ADGRB3: variants seen among roughly 807,000 people sequenced by gnomAD.
The protein encoded by ADGRB3 is adhesion G protein-coupled receptor B3.
In ADGRB3, 37 loss-of-function variants were observed where a neutral mutation model predicts 193.4. The ratio of observed to expected loss-of-function variants is 0.19; its 90% CI spans 0.15 to 0.25. The LOEUF is 0.25. Ranked by LOEUF, ADGRB3 falls within the 10% of genes least tolerant of loss-of-function variation. The pLI is 1.00. For synonymous variants in ADGRB3, 690 were observed against 644.2 expected (o/e 1.07, Z -1.08); for missense variants, 1,637 against 1,852.9 (o/e 0.88, Z 2.14).
chr6:68,665,907 A>G lies in ADGRB3; in HGVS notation c.757+26475A>G, dbSNP rs143952393. ...TCCTATATTAGTGTCTAAATTTTGT[A>G]ATCCCAAGATTAGCAGTGCAGTATG... On this transcript the variant is annotated intron_variant, in intron 3 of 31. Coordinates refer to ENST00000370598, the MANE Select transcript of ADGRB3 (RefSeq NM_001704.3). Among the ~76,000 whole-genome samples, 3 of 151,972 alleles carry G rather than the reference A, an allele frequency of 2.0e-5. No homozygotes were observed. In the East Asian group the frequency reaches 5.8e-4, roughly 30 times the overall value.
At chr6:69,327,146 T>TA (rs149349386) in intron 21 of ADGRB3, among the ~76,000 whole-genome samples, 37,022 of 149,438 alleles carry the variant, frequency 0.25, 5,637 homozygotes, top group African/African-American at 0.43. Flanking sequence ...TAACCAAAAC[T>TA]AAAAAAAAAA....
intron 17 of ADGRB3, among the ~76,000 whole-genome samples, chr6:69,164,766 A>G (rs1445077151): frequency 6.6e-6 from 1 of 152,092 alleles, no homozygotes; most frequent in Non-Finnish European, 1.5e-5. Context: ...GAACTCTGGG[A>G]ACCTCAATTT....
At chr6:68,852,740 T>C (rs1768432253) in intron 3 of ADGRB3, among the ~76,000 whole-genome samples, 1 of 152,008 alleles carries the variant, frequency 6.6e-6, no homozygotes, top group African/African-American at 2.4e-5. Context: ...TTTTAAAAAA[T>C]TGTAGTCTTC....
chr6:69,387,010 T>C (rs1332248079), intron 31 of ADGRB3, among the ~76,000 whole-genome samples: 3 of 152,118 alleles, frequency 2.0e-5, no homozygotes, highest in African/African-American at 7.2e-5. Flanking sequence ...CCCACTTTTT[T>C]ATTTTTGCAA....
At chr6:68,950,041 G>T (rs1017532943) in intron 6 of ADGRB3, among the ~76,000 whole-genome samples, 16 of 151,690 alleles carry the variant, frequency 1.1e-4, no homozygotes, top group Non-Finnish European at 1.9e-4. Flanking sequence ...CTCAACATAT[G>T]CCCAAAGCAA....
intron 20 of ADGRB3, among the ~76,000 whole-genome samples, chr6:69,302,337 C>T (rs1048641168): frequency 1.3e-5 from 2 of 151,940 alleles, no homozygotes; most frequent in African/African-American, 4.8e-5. Context: ...ACACCAGCTG[C>T]CGGTCTTTTG....
At chr6:69,018,361 A>G (rs765577722) in intron 12 of ADGRB3, 30 bp from the exon 13 acceptor site, 1 of 1,419,850 alleles carries the variant, frequency 7.0e-7, no homozygotes, top group South Asian at 1.3e-5. Flanking sequence ...TAGATTTTTT[A>G]TTCCTTCTAA....
At chr6:68,898,521 A>G (rs1766305392) in intron 3 of ADGRB3, among the ~76,000 whole-genome samples, 2 of 152,096 alleles carry the variant, frequency 1.3e-5, no homozygotes. Context: ...TTATAGCAAA[A>G]CTTCAGAGTA....
chr6:69,227,485 G>A (rs1361973654), intron 17 of ADGRB3, among the ~76,000 whole-genome samples: 1 of 152,130 alleles, frequency 6.6e-6, no homozygotes, highest in African/African-American at 2.4e-5. Context: ...GAGGGTAAAT[G>A]GCGAGAAACA....
chr6:68,989,644 T>G (rs1413508287), intron 10 of ADGRB3, among the ~76,000 whole-genome samples: 2 of 152,262 alleles, frequency 1.3e-5, no homozygotes, highest in Admixed American at 6.5e-5. Context: ...AATGAAATAA[T>G]CCTAGGAGAG....
At chr6:68,854,466 G>A (rs1764900396) in intron 3 of ADGRB3, among the ~76,000 whole-genome samples, 2 of 152,062 alleles carry the variant, frequency 1.3e-5, no homozygotes, top group African/African-American at 2.4e-5. Context: ...CAATGTATAT[G>A]TACTTTCAAA....
At chr6:69,183,254 T>C (rs1173791549) in intron 17 of ADGRB3, among the ~76,000 whole-genome samples, 1 of 152,152 alleles carries the variant, frequency 6.6e-6, no homozygotes, top group Non-Finnish European at 1.5e-5. Flanking sequence ...CCTTTCAAAT[T>C]GGAAGCCTTC....
At chr6:69,304,801 T>G (rs1264094534) in intron 20 of ADGRB3, among the ~76,000 whole-genome samples, 2 of 151,554 alleles carry the variant, frequency 1.3e-5, no homozygotes, top group Non-Finnish European at 2.9e-5. Context: ...CTATTGGCAT[T>G]CTTTGTTTTC....
At chr6:69,216,649 T>TGG (rs2127245005) in intron 17 of ADGRB3, among the ~76,000 whole-genome samples, 1 of 152,188 alleles carries the variant, frequency 6.6e-6, no homozygotes, top group South Asian at 2.1e-4. Flanking sequence ...TGAAGCCCCA[T>TGG]GGGTTCAGTT....
intron 3 of ADGRB3, among the ~76,000 whole-genome samples, chr6:68,725,853 C>T (rs985442789): frequency 6.6e-6 from 1 of 151,358 alleles, no homozygotes; most frequent in Non-Finnish European, 1.5e-5. Context: ...GAAAAGGAGC[C>T]AAGAGCCTGA....
chr6:68,725,790 G>A (rs1765662617), intron 3 of ADGRB3, among the ~76,000 whole-genome samples: 1 of 151,600 alleles, frequency 6.6e-6, no homozygotes, highest in Non-Finnish European at 1.5e-5. Flanking sequence ...CACTAGCACA[G>A]ATCACAGAGT....
chr6:68,745,555 TTTG>T (rs1387166449), intron 3 of ADGRB3, among the ~76,000 whole-genome samples: 2 of 152,086 alleles, frequency 1.3e-5, no homozygotes, highest in African/African-American at 4.8e-5. Context: ...ATTAGTAAAG[TTTG>T]TTATGTGTTT....
intron 17 of ADGRB3, among the ~76,000 whole-genome samples, chr6:69,142,827 G>C (rs779823641): frequency 6.6e-6 from 1 of 152,092 alleles, no homozygotes; most frequent in Non-Finnish European, 1.5e-5. Context: ...CTTCGTATGG[G>C]AGTATGTACA....
chr6:69,389,419 C>A lies in ADGRB3; in HGVS notation c.*528C>A, dbSNP rs1770144363. On this transcript the variant is annotated 3_prime_UTR_variant, in exon 32 of 32. Coordinates refer to ENST00000370598, the MANE Select transcript of ADGRB3 (RefSeq NM_001704.3). ...TTCACATCTTTATTATTGCAGTTTT[C>A]TCTAGAAAGCTCTGAGAAGCTTTCT... The A allele has an allele frequency of 6.6e-6, 1 of 152,448 alleles. No individual in the cohort carries two copies. Among genetic ancestry groups the A allele is most frequent in the Admixed American group, 6.6e-5 (1 of 15,230 alleles). The allele number at this position is 152,448 out of a possible 1,614,324, so 9.4% of individuals were successfully genotyped here.
Sources: allele counts gnomAD v4.1 joint callset (sites outside exome capture counted in the v4.1 genomes callset), GRCh38; gene constraint gnomAD v4.1.1; transcripts MANE v1.5; gene names NCBI Gene and HGNC (gene_info 2026-07-23, HGNC 2026-07-21).